MICU3: variants seen among roughly 807,000 people sequenced by gnomAD.
MICU3 encodes the protein calcium uptake protein 3, mitochondrial.
Under a neutral mutation model 66.5 loss-of-function variants are expected in MICU3, and 62 were observed. The observed-to-expected ratio is 0.93, with a 90% CI of 0.76 to 1.15. The LOEUF is 1.15. Among genes scored for constraint, MICU3 ranks in the 50% most tolerant of loss-of-function variants. MICU3 has a pLI of 0.00. For synonymous variants in MICU3, 308 were observed against 240.7 expected (o/e 1.28, Z -2.59); for missense variants, 779 against 664.4 (o/e 1.17, Z -1.90).
Position 17,114,118 on chromosome 8 carries a change from C to A in MICU3, c.1283C>A (p.Ser428Ter). Reference protein sequence around the residue: ...EKGITFDEFRSFFQFLNNLED... With the variant: ...EKGITFDEFR ...GGCATCACATTTGATGAATTCAGGT[C>A]ATTTTTCCAGTTTTTAAACAACCTA... Residue 428 changes from serine to a stop codon, truncating the protein, a stop_gained, in exon 12 of 15, where the codon TCA becomes TAA. Transcript: ENST00000318063. LOFTEE classifies it high-confidence loss of function. The A allele has an allele frequency of 6.2e-7, 1 of 1,611,446 alleles. No individual in the cohort carries two copies. Among genetic ancestry groups the A allele is most frequent in the South Asian group, 1.1e-5 (1 of 90,430 alleles).
chr8:17,054,586 G>A (rs1024594139), intron 1 of MICU3, among the ~76,000 whole-genome samples: 1 of 152,104 alleles, frequency 6.6e-6, no homozygotes, highest in Non-Finnish European at 1.5e-5. Flanking sequence ...TAAACTGTAG[G>A]ATACTAATAA....
In MICU3 at chr8:17,092,746, C is replaced by G. The variant is rs1215060177; in HGVS notation, c.888+2162C>G. ...ACAATTAGAAAAAAATTCCAACATC[C>G]TGAAAATGTATATGAAATATCATTG... is the stretch of plus-strand genomic sequence containing the variant. On this transcript the variant is annotated intron_variant, in intron 8 of 14. Transcript: ENST00000318063. 3.3e-5 allele frequency among the ~76,000 whole-genome samples: 5 copies of G among 151,938 alleles called. No homozygotes were observed. In the East Asian group the frequency reaches 9.7e-4, roughly 29 times the overall value.
intron 3 of MICU3, among the ~76,000 whole-genome samples, chr8:17,071,746 A>G (rs1668188177): frequency 6.6e-6 from 1 of 152,212 alleles, no homozygotes. Flanking sequence ...ACAGCAATAA[A>G]CCAAAGTTAA....
At chr8:17,109,509 A>C (rs1408860125) in intron 11 of MICU3, among the ~76,000 whole-genome samples, 1 of 152,152 alleles carries the variant, frequency 6.6e-6, no homozygotes, top group Admixed American at 6.5e-5. Context: ...GAGATGAAAA[A>C]AAATTCTTTA....
At chr8:17,099,191 A>G (rs1426524233) in intron 9 of MICU3, among the ~76,000 whole-genome samples, 1 of 151,758 alleles carries the variant, frequency 6.6e-6, no homozygotes, top group Non-Finnish European at 1.5e-5. Flanking sequence ...CTAGTTTCTC[A>G]AGATGGGCCA....
At chr8:17,128,753 C>A in the MICU3 span, among the ~76,000 whole-genome samples, 1 of 151,970 alleles carries the variant, frequency 6.6e-6, no homozygotes, top group Non-Finnish European at 1.5e-5. Flanking sequence ...GTAAGTGGAG[C>A]CCAGACAAAA....
At chr8:17,088,622 T>G (rs1190083070) in intron 7 of MICU3, among the ~76,000 whole-genome samples, 1 of 151,980 alleles carries the variant, frequency 6.6e-6, no homozygotes, top group Non-Finnish European at 1.5e-5. Context: ...GATATAAATA[T>G]AATTGTTTTA....
chr8:17,119,374 T>A (rs1802998172), intron 14 of MICU3, among the ~76,000 whole-genome samples: 2 of 152,164 alleles, frequency 1.3e-5, no homozygotes, highest in African/African-American at 4.8e-5. Context: ...GTTTGTTTTT[T>A]TCTTTTTTCT....
intron 3 of MICU3, among the ~76,000 whole-genome samples, chr8:17,075,071 A>G (rs1228000402): frequency 6.6e-6 from 1 of 152,092 alleles, no homozygotes; most frequent in Non-Finnish European, 1.5e-5. Context: ...TGCAGTACCT[A>G]TGGTTATGGT....
chr8:17,117,414 C>T (rs948567416), intron 13 of MICU3, among the ~76,000 whole-genome samples: 2 of 151,770 alleles, frequency 1.3e-5, no homozygotes, highest in African/African-American at 4.8e-5. Flanking sequence ...AAAATAATTA[C>T]CAGAAATTCA....
chr8:17,125,985 T>A (rs1217439210), downstream of MICU3, among the ~76,000 whole-genome samples: 2 of 150,848 alleles, frequency 1.3e-5, no homozygotes, highest in African/African-American at 4.9e-5. Context: ...AGCTGAGATT[T>A]TGCCACTGCA....
At chr8:17,081,482 G>T (rs1230784589) in intron 4 of MICU3, among the ~76,000 whole-genome samples, 2 of 151,900 alleles carry the variant, frequency 1.3e-5, no homozygotes, top group East Asian at 1.9e-4. Flanking sequence ...ATATTTGAGA[G>T]CATAATGATT....
At chr8:17,039,006 C>T (rs543834520) in intron 1 of MICU3, among the ~76,000 whole-genome samples, 7 of 151,604 alleles carry the variant, frequency 4.6e-5, no homozygotes, top group African/African-American at 1.4e-4. Flanking sequence ...GAAATTGACA[C>T]AGCCACCTCA....
intron 1 of MICU3, among the ~76,000 whole-genome samples, chr8:17,059,042 C>CA (rs1563308672): frequency 6.6e-6 from 1 of 152,158 alleles, no homozygotes; most frequent in Admixed American, 6.5e-5. Context: ...AGGCACACAG[C>CA]AAGTACCTGT....
intron 1 of MICU3, among the ~76,000 whole-genome samples, chr8:17,052,253 G>T (rs1816221934): frequency 6.6e-6 from 1 of 151,492 alleles, no homozygotes; most frequent in Non-Finnish European, 1.5e-5. Context: ...TGTATTTATG[G>T]GGTGTGTATG....
At chr8:17,044,267 G>C (rs189447802) in intron 1 of MICU3, among the ~76,000 whole-genome samples, 1 of 152,286 alleles carries the variant, frequency 6.6e-6, no homozygotes, top group East Asian at 1.9e-4. Flanking sequence ...AAGTTACCCA[G>C]GTAGTAGGAG....
intron 9 of MICU3, among the ~76,000 whole-genome samples, chr8:17,103,144 T>C (rs573227398): frequency 3.3e-5 from 5 of 152,044 alleles, no homozygotes; most frequent in African/African-American, 9.6e-5. Flanking sequence ...GTGTGGTCTT[T>C]GTTACTCCAT....
chr8:17,072,627 C>A (rs1305787764), intron 3 of MICU3, among the ~76,000 whole-genome samples: 8 of 151,936 alleles, frequency 5.3e-5, no homozygotes, highest in African/African-American at 1.7e-4. Context: ...AAGTGTCTTG[C>A]AGTCACGTAG....
chr8:17,058,803 C>T (rs749179452), intron 1 of MICU3, among the ~76,000 whole-genome samples: 28 of 152,152 alleles, frequency 1.8e-4, no homozygotes, highest in Non-Finnish European at 2.5e-4. Context: ...TAGTAACAAA[C>T]GACAAATTAT....
Sources: allele counts gnomAD v4.1 joint callset (sites outside exome capture counted in the v4.1 genomes callset), GRCh38; gene constraint gnomAD v4.1.1; transcripts MANE v1.5; gene names NCBI Gene and HGNC (gene_info 2026-07-23, HGNC 2026-07-21).